CD109: variants seen among roughly 807,000 people sequenced by gnomAD.
CD109 encodes CD109 molecule.
Under a neutral mutation model 165.8 loss-of-function variants are expected in CD109, and 149 were observed. The observed-to-expected ratio is 0.90, with a 90% CI of 0.79 to 1.03. CD109 has a LOEUF of 1.03. Among genes scored for constraint, CD109 ranks in the 50% least tolerant of loss-of-function variants. The pLI is 0.00. For missense variants in CD109, 1,712 were observed against 1,677.8 expected (o/e 1.02, Z -0.36); for synonymous variants, 585 against 592.1 (o/e 0.99, Z 0.18).
chr6:73,792,619 CTTCCAGGAG>C lies in CD109; in HGVS notation c.2702-6_2704del. ...TACTGAATGAACTGCATGTCTTGTG[CTTCCAGGAG>C]ATGTTCTTGGTCCTTCCATCAATGG... On this transcript the variant is annotated splice_acceptor_variant and splice_polypyrimidine_tract_variant and coding_sequence_variant and intron_variant, in exon 23 of 33. Transcript: ENST00000287097. LOFTEE classifies it high-confidence loss of function. 2 of 1,611,950 alleles carry C rather than the reference CTTCCAGGAG, an allele frequency of 1.2e-6. No homozygotes were observed. Among genetic ancestry groups the C allele is most frequent in the Non-Finnish European group, 1.7e-6 (2 of 1,179,682 alleles).
intron 2 of CD109, among the ~76,000 whole-genome samples, chr6:73,719,039 T>C (rs1052943575): frequency 5.3e-5 from 8 of 152,236 alleles, no homozygotes; most frequent in Non-Finnish European, 1.0e-4. Flanking sequence ...ATATTTTATT[T>C]AACCCAATAA....
intron 23 of CD109, among the ~76,000 whole-genome samples, chr6:73,795,467 G>C (rs1012741292): frequency 1.1e-4 from 16 of 152,132 alleles, no homozygotes; most frequent in Non-Finnish European, 2.2e-4. Context: ...TCCCAAAGCA[G>C]TGCTAGTCCC....
chr6:73,698,472 AC>A (rs1299673276), intron 2 of CD109, among the ~76,000 whole-genome samples: 1 of 152,088 alleles, frequency 6.6e-6, no homozygotes, highest in African/African-American at 2.4e-5. Flanking sequence ...GTCCTAAGCT[AC>A]TGCTCCTGGC....
At chr6:73,792,024 G>A (rs9447029) in intron 22 of CD109, among the ~76,000 whole-genome samples, 58,655 of 151,978 alleles carry the variant, frequency 0.39, 11,628 homozygotes, top group African/African-American at 0.47. Flanking sequence ...CCTGAGTTGT[G>A]GTGTTAGGAT....
At chr6:73,820,022 C>A (rs1383504924) in intron 31 of CD109, among the ~76,000 whole-genome samples, 1 of 152,174 alleles carries the variant, frequency 6.6e-6, no homozygotes, top group East Asian at 1.9e-4. Flanking sequence ...TTTGTGTACC[C>A]CATCTCAGTC....
chr6:73,818,078 C>T (rs1775997929), intron 30 of CD109, among the ~76,000 whole-genome samples: 1 of 152,138 alleles, frequency 6.6e-6, no homozygotes, highest in Non-Finnish European at 1.5e-5. Flanking sequence ...ATAGAGTTGT[C>T]TGTTGAAAGG....
intron 7 of CD109, among the ~76,000 whole-genome samples, chr6:73,760,610 C>A (rs1455991729): frequency 6.6e-6 from 1 of 151,940 alleles, no homozygotes; most frequent in African/African-American, 2.4e-5. Flanking sequence ...CTTTGGGGGG[C>A]CAAACTGGGT....
the CD109 span, among the ~76,000 whole-genome samples, chr6:73,682,760 T>A: frequency 2.6e-5 from 4 of 152,202 alleles, no homozygotes; most frequent in Admixed American, 2.6e-4. Flanking sequence ...TTTTTATACA[T>A]CTTCTGAAAT....
chr6:73,771,237 A>G (rs1337350756), intron 14 of CD109, among the ~76,000 whole-genome samples, 192 bp from the exon 15 acceptor site: 1 of 152,222 alleles, frequency 6.6e-6, no homozygotes, highest in Non-Finnish European at 1.5e-5. Flanking sequence ...GAGAAGTTCT[A>G]TGACTTGCAA....
intron 15 of CD109, among the ~76,000 whole-genome samples, chr6:73,779,754 C>A (rs893907630): frequency 2.0e-5 from 3 of 151,804 alleles, no homozygotes; most frequent in African/African-American, 7.3e-5. Context: ...AGTGGAATTA[C>A]TGGGTCATAT....
intron 2 of CD109, among the ~76,000 whole-genome samples, chr6:73,721,706 A>T (rs957909935): frequency 6.6e-6 from 1 of 151,866 alleles, no homozygotes; most frequent in Non-Finnish European, 1.5e-5. Flanking sequence ...AAAGCTAAGA[A>T]GTTAAAGTGT....
chr6:73,783,890 C>T (rs1206530898), intron 19 of CD109, 66 bp downstream of exon 19: 10 of 841,038 alleles, frequency 1.2e-5, no homozygotes, highest in Non-Finnish European at 5.6e-6. Flanking sequence ...GTCAGCTCCT[C>T]AATTTTTTTT....
intron 5 of CD109, among the ~76,000 whole-genome samples, chr6:73,755,123 A>C (rs1773340995): frequency 6.6e-6 from 1 of 152,236 alleles, no homozygotes; most frequent in Non-Finnish European, 1.5e-5. Flanking sequence ...AAAACAGGTA[A>C]TAGATAAATT....
In CD109 at chr6:73,768,146, G is replaced by A; in HGVS notation, c.1589G>A (p.Cys530Tyr). 6.2e-7 allele frequency: 1 copy of A among 1,604,738 alleles called. No homozygotes were observed. The highest frequency in any genetic ancestry group is 8.5e-7 in the Non-Finnish European group (1 of 1,171,630). The change falls in exon 14 of 33, where the codon TGT (cysteine) becomes TAT (tyrosine). Residue 530 changes from cysteine to tyrosine, a missense_variant. By Grantham distance (194) the Cys-to-Tyr change is radical. Transcript: ENST00000287097. The part of the protein sequence containing the change: ...TPENSWTPKA[C>Y]VIVYYIEDDG... ...GAAAATTCTTGGACTCCAAAAGCCT[G>A]TGTAATTGTGTATTATATTGAAGAT... is the stretch of plus-strand genomic sequence containing the variant.
chr6:73,707,962 TTA>T lies in CD109; in HGVS notation c.247+10436_247+10437del, dbSNP rs200081535. Reference sequence around the variant, plus strand: ...GAACTTTGATTTAAAATTGTTATCTTTATATATATATATATATATATATATAT... The same window carrying T: ...GAACTTTGATTTAAAATTGTTATCTTTATATATATATATATATATATATAT... On this transcript the variant is annotated intron_variant, in intron 2 of 32. Coordinates refer to ENST00000287097, the MANE Select transcript of CD109 (RefSeq NM_133493.5). Among the ~76,000 whole-genome samples the T allele has an allele frequency of 6.5e-3, 816 of 126,248 alleles. 2 individuals are homozygous for T. Among genetic ancestry groups the T allele is most frequent in the African/African-American group, 0.014 (418 of 30,272 alleles). The allele number at this position is 126,248 out of a possible 152,430, so 82.8% of individuals were successfully genotyped here.
the CD109 span, among the ~76,000 whole-genome samples, chr6:73,682,848 G>A: frequency 6.6e-6 from 1 of 151,370 alleles, no homozygotes; most frequent in Non-Finnish European, 1.5e-5. Context: ...GCTGAGGCTT[G>A]CACCCTCTGA....
At chr6:73,762,947 A>T in intron 9 of CD109, 65 bp downstream of exon 9, 1 of 1,375,636 alleles carries the variant, frequency 7.3e-7, no homozygotes. Context: ...CTTTCTTATT[A>T]TAACTGGCAC....
chr6:73,683,590 T>C, the CD109 span, among the ~76,000 whole-genome samples: 1 of 152,226 alleles, frequency 6.6e-6, no homozygotes, highest in East Asian at 1.9e-4. Flanking sequence ...TTCAACATTT[T>C]TGGGTACCTT....
intron 2 of CD109, among the ~76,000 whole-genome samples, chr6:73,722,278 A>G (rs1771983189): frequency 6.6e-6 from 1 of 152,170 alleles, no homozygotes; most frequent in South Asian, 2.1e-4. Context: ...ACTGTTCTAT[A>G]TGCTTTACAG....
Sources: allele counts gnomAD v4.1 joint callset (sites outside exome capture counted in the v4.1 genomes callset), GRCh38; gene constraint gnomAD v4.1.1; transcripts MANE v1.5; gene names NCBI Gene and HGNC (gene_info 2026-07-23, HGNC 2026-07-21).